BTBD10: variants seen among roughly 807,000 people sequenced by gnomAD.
The protein encoded by BTBD10 is BTB domain containing 10, also known as BTB/POZ domain-containing protein 10.
In BTBD10, 21 loss-of-function variants were observed where a neutral mutation model predicts 53.2. That is an observed-to-expected ratio of 0.39 (90% CI 0.28 to 0.57). The LOEUF (loss-of-function observed/expected upper bound fraction) is 0.57. BTBD10 is among the 20% of genes least tolerant of loss of function. The pLI, the probability that BTBD10 is intolerant of heterozygous loss-of-function variation, is 0.53. For missense variants in BTBD10, 360 were observed against 594.7 expected (o/e 0.61, Z 4.10); for synonymous variants, 149 against 192.7 (o/e 0.77, Z 1.88).
At chr11:13,403,138 A>C in intron 8 of BTBD10, 30 bp downstream of exon 8, 1 of 1,301,566 alleles carries the variant, frequency 7.7e-7, no homozygotes, top group East Asian at 2.5e-5. Context: ...TTAAAAAGAA[A>C]ACTAATAGAA....
chr11:13,405,401 G>T (rs1949801151), intron 7 of BTBD10: 2 of 332,492 alleles, frequency 6.0e-6, no homozygotes, highest in Non-Finnish European at 1.1e-5. Flanking sequence ...TATATGGCAT[G>T]GGCGGGGCAT....
intron 8 of BTBD10, among the ~76,000 whole-genome samples, chr11:13,392,545 TA>T (rs1949436180): frequency 6.6e-6 from 1 of 152,172 alleles, no homozygotes; most frequent in Non-Finnish European, 1.5e-5. Context: ...TACTCTTTAT[TA>T]AAAGAGAAGC....
intron 1 of BTBD10, among the ~76,000 whole-genome samples, chr11:13,456,452 A>G (rs1223765487): frequency 6.6e-6 from 1 of 152,170 alleles, no homozygotes; most frequent in Non-Finnish European, 1.5e-5. Flanking sequence ...CAACTATCTA[A>G]ATGTAAAAAC....
At chr11:13,436,515 C>A (rs1469190896) in intron 2 of BTBD10, among the ~76,000 whole-genome samples, 1 of 152,166 alleles carries the variant, frequency 6.6e-6, no homozygotes, top group Non-Finnish European at 1.5e-5. Flanking sequence ...GCATTTAGAA[C>A]AATACTGAGC....
rs766063559 is a variant in BTBD10 at position 13,419,691 on chromosome 11, G to C, written c.353C>G (p.Ala118Gly). 1 of 1,613,554 alleles carries C rather than the reference G, an allele frequency of 6.2e-7. No homozygotes were observed. The highest frequency in any genetic ancestry group is 8.5e-7 in the Non-Finnish European group (1 of 1,179,772). ...SRPSSPRPQK[A>G]SPNGSISSAG... The stretch of plus-strand genomic sequence containing the variant: ...ACTGCTAATGGAACCATTTGGGGAT[G>C]CTTTTTGAGGACGCGGACTGCTTGG... Residue 118 changes from alanine (A) to glycine (G), a missense_variant, in exon 4 of 9, where the codon GCA (alanine) becomes GGA (glycine). Ala to Gly is a moderately conservative substitution (Grantham distance 60). Around this residue, in one of 6 missense-constraint regions of BTBD10, gnomAD observed 109 missense variants for 118.6 expected, o/e 0.92. Coordinates refer to ENST00000278174, the MANE Select transcript of BTBD10 (RefSeq NM_032320.7).
At chr11:13,421,231 A>T (rs11022813) in intron 3 of BTBD10, among the ~76,000 whole-genome samples, 23,019 of 152,152 alleles carry the variant, frequency 0.15, 1,996 homozygotes, top group Admixed American at 0.24. Context: ...ATTTGAGATA[A>T]TGCCAAAAAT....
intron 1 of BTBD10, among the ~76,000 whole-genome samples, chr11:13,445,938 T>C (rs897511872): frequency 6.6e-6 from 1 of 152,162 alleles, no homozygotes; most frequent in Non-Finnish European, 1.5e-5. Flanking sequence ...GTAGGCATTA[T>C]GATCCCCATA....
At chr11:13,404,843 CTTTGT>C (rs1949782853) in intron 7 of BTBD10, among the ~76,000 whole-genome samples, 1 of 152,112 alleles carries the variant, frequency 6.6e-6, no homozygotes, top group Non-Finnish European at 1.5e-5. Flanking sequence ...CTGGAGTCTG[CTTTGT>C]TTTGATTTTA....
At chr11:13,460,452 G>A (rs307245) in intron 1 of BTBD10, among the ~76,000 whole-genome samples, 11 of 151,952 alleles carry the variant, frequency 7.2e-5, no homozygotes, top group Admixed American at 2.6e-4. Flanking sequence ...ACCCAACTAG[G>A]TATGAATCAG....
chr11:13,423,124 T>G (rs952176517), intron 2 of BTBD10, among the ~76,000 whole-genome samples: 2 of 152,052 alleles, frequency 1.3e-5, no homozygotes, highest in African/African-American at 4.8e-5. Context: ...TAGATAAAAT[T>G]TCAATAATTA....
chr11:13,433,761 A>G (rs1031979374), intron 2 of BTBD10, among the ~76,000 whole-genome samples: 21 of 152,118 alleles, frequency 1.4e-4, no homozygotes, highest in Non-Finnish European at 1.2e-4. Context: ...TGGCCCACAT[A>G]GCCAAAAATA....
At chr11:13,411,847 T>C (rs1591113907) in intron 6 of BTBD10, among the ~76,000 whole-genome samples, 2 of 152,152 alleles carry the variant, frequency 1.3e-5, no homozygotes, top group East Asian at 3.9e-4. Flanking sequence ...TTTTTTTTTT[T>C]TGAGATGGAG....
At chr11:13,439,985 A>T in intron 2 of BTBD10, 1 of 1,534,946 alleles carries the variant, frequency 6.5e-7, no homozygotes, top group Non-Finnish European at 8.7e-7. Context: ...AAGCACTGAA[A>T]GCCAGGTCAG....
rs549680576 is a variant in BTBD10, at chr11:13,395,453, G to A, written c.1118-6312C>T. Among the ~76,000 whole-genome samples, 199 of 152,258 alleles carry A rather than the reference G, an allele frequency of 1.3e-3. 1 individual carries two copies. The highest frequency in any genetic ancestry group is 0.01 in the Middle Eastern group (3 of 294). ...TCTGGATATTAGCCCTTTGTCAGAT[G>A]AGTAGGTTGCAAAAATTTTCTCCCA... On this transcript the variant is annotated intron_variant, in intron 8 of 8. Coordinates refer to ENST00000278174, the MANE Select transcript of BTBD10 (RefSeq NM_032320.7).
At chr11:13,418,101 A>C (rs550422453) in intron 4 of BTBD10, among the ~76,000 whole-genome samples, 1 of 152,178 alleles carries the variant, frequency 6.6e-6, no homozygotes, top group African/African-American at 2.4e-5. Flanking sequence ...TTTTCTACTC[A>C]GTAGTTTCCT....
At chr11:13,390,776 A>G (rs1398547404) in intron 8 of BTBD10, among the ~76,000 whole-genome samples, 3 of 152,230 alleles carry the variant, frequency 2.0e-5, no homozygotes, top group Admixed American at 6.5e-5. Flanking sequence ...TGATTACTGC[A>G]TAAGGGAATG....
chr11:13,422,184 A>G lies in BTBD10; in HGVS notation c.102-346T>C, dbSNP rs1229398113. Among the ~76,000 whole-genome samples the G allele has an allele frequency of 2.6e-5, 4 of 152,188 alleles. No individual in the cohort carries two copies. The East Asian group carries it at 7.7e-4, about 29-fold the overall frequency. ...ATGTTCTTTTGATTTCCTTCATTGT[A>G]GGGGAAGAAGAGAAGGCAAGAGCTT... On this transcript the variant is annotated intron_variant, in intron 2 of 8. Coordinates refer to ENST00000278174, the MANE Select transcript of BTBD10 (RefSeq NM_032320.7).
chr11:13,401,139 C>A lies in BTBD10; in HGVS notation c.1117+2029G>T, dbSNP rs534986849. ...TTATATATCAGATATATATATATTA[C>A]ATTATATATATATACACACACACAT... On this transcript the variant is annotated intron_variant, in intron 8 of 8. Coordinates refer to ENST00000278174, the MANE Select transcript of BTBD10 (RefSeq NM_032320.7). Among the ~76,000 whole-genome samples, 7 of 137,158 alleles carry A rather than the reference C, an allele frequency of 5.1e-5. 1 individual carries two copies. The South Asian group carries it at 1.6e-3, about 31-fold the overall frequency. The allele number at this position is 137,158 out of a possible 152,430, so 90.0% of individuals were successfully genotyped here. A position where few individuals can be genotyped will look rare whatever the true frequency, so the allele number is the denominator to read the frequency against.
intron 6 of BTBD10, among the ~76,000 whole-genome samples, chr11:13,408,118 C>T (rs1949868333): frequency 6.6e-6 from 1 of 152,182 alleles, no homozygotes; most frequent in Non-Finnish European, 1.5e-5. Context: ...TCCTGACCCA[C>T]AGAATAAATG....
Sources: gnomAD v4.1 joint callset for allele counts (sites outside exome capture counted in the v4.1 genomes callset) on GRCh38, gnomAD v4.1.1 for gene constraint, gnomAD v4.1.1 regional missense constraint, MANE v1.5 for transcripts, NCBI Gene and HGNC (gene_info 2026-07-23, HGNC 2026-07-21) for gene names.